The following GLRA2 variants were observed in gnomAD, a reference collection of about 807,000 sequenced individuals.
GLRA2 encodes the protein glycine receptor subunit alpha-2.
A neutral mutation model predicts 31.6 loss-of-function variants in GLRA2; 11 were observed. The ratio of observed to expected loss-of-function variants is 0.35; its 90% CI spans 0.22 to 0.58. The LOEUF (loss-of-function observed/expected upper bound fraction) is 0.58, where lower values mean the gene tolerates loss of function less well. Ranked by LOEUF, GLRA2 falls within the 20% of genes least tolerant of loss-of-function variation. GLRA2 has a pLI of 0.84. For missense variants in GLRA2, 212 were observed against 351.8 expected (o/e 0.60, Z 3.18); for synonymous variants, 132 against 134.0 (o/e 0.99, Z 0.10).
chrX:14,473,823 G>A, the GLRA2 span, among the ~76,000 whole-genome samples: 1 of 111,852 alleles, frequency 8.9e-6, no homozygotes, highest in African/African-American at 3.3e-5. Context: ...GATTTTAAAA[G>A]GAAAAATAAA....
At chrX:14,698,075 AAAATAGGGTGAGGCAAGGTGAAGC>A (rs1361620912) in intron 8 of GLRA2, among the ~76,000 whole-genome samples, 1 of 111,924 alleles carries the variant, frequency 8.9e-6, no homozygotes, top group Non-Finnish European at 1.9e-5. Flanking sequence ...ATGCAAAAAG[AAAATAGGGTGAGGCAAGGTGAAGC>A]AAATAGGGTG....
the GLRA2 span, among the ~76,000 whole-genome samples, chrX:14,520,360 A>C: frequency 8.9e-6 from 1 of 112,407 alleles, no homozygotes; most frequent in Non-Finnish European, 1.9e-5. Flanking sequence ...CAAAGGAGAA[A>C]TCTTTCTAAT....
intron 8 of GLRA2, among the ~76,000 whole-genome samples, chrX:14,700,059 G>A (rs1227487633): frequency 9.0e-6 from 1 of 111,030 alleles, no homozygotes; most frequent in Non-Finnish European, 1.9e-5. Flanking sequence ...GAAATAATCT[G>A]TACAATAATC....
Position 14,681,891 on chromosome X carries a change from C to CAAAAAA in GLRA2, c.931-8804_931-8799dup, listed in dbSNP as rs1157722406. ...TGGGCAACAGTGCGAGACACCATCTCAAAAAAAAAAAAAAAAAAAATATAT... is the reference window on the plus strand; with the variant it reads ...TGGGCAACAGTGCGAGACACCATCTCAAAAAAAAAAAAAAAAAAAAAAAAAATATAT... On this transcript the variant is annotated intron_variant, in intron 7 of 8. Transcript: ENST00000218075. 1.3e-3 allele frequency among the ~76,000 whole-genome samples: 34 copies of CAAAAAA among 26,641 alleles called. 1 individual carries two copies. The highest frequency in any genetic ancestry group is 2.4e-3 in the Non-Finnish European group (29 of 12,184). The allele number at this position is 26,641 out of a possible 115,157, so 23.1% of individuals were successfully genotyped here. A position where few individuals can be genotyped will look rare whatever the true frequency, so the allele number is the denominator to read the frequency against.
intron 2 of GLRA2, among the ~76,000 whole-genome samples, chrX:14,538,992 T>C (rs964064269): frequency 1.8e-5 from 2 of 111,580 alleles, no homozygotes; most frequent in Admixed American, 9.5e-5. Flanking sequence ...TTAATTTTCA[T>C]TATTGAATGA....
intron 4 of GLRA2, among the ~76,000 whole-genome samples, chrX:14,594,087 C>A (rs776052816): frequency 8.9e-6 from 1 of 112,100 alleles, no homozygotes; most frequent in South Asian, 3.7e-4. Context: ...CCACCAGAAA[C>A]AGTGGTCAGT....
chrX:14,591,397 A>G (rs147972681), intron 4 of GLRA2, among the ~76,000 whole-genome samples: 1,261 of 111,472 alleles, frequency 0.011, 28 homozygotes, highest in African/African-American at 0.039. Flanking sequence ...CCAAAGGCCC[A>G]AGAGCCCCTG....
chrX:14,730,667 A>C lies in GLRA2; in HGVS notation c.*182A>C. ...GACAAGTTATATGGGTGATGAAGAA[A>C]ACTGCACAAAATTAAGGGGTTGCAG... is the stretch of plus-strand genomic sequence containing the variant. On this transcript the variant is annotated 3_prime_UTR_variant, in exon 9 of 9. Coordinates refer to ENST00000218075, the MANE Select transcript of GLRA2 (RefSeq NM_002063.4). The C allele has an allele frequency of 2.3e-6, 1 of 425,687 alleles. No individual in the cohort carries two copies. Among genetic ancestry groups the C allele is most frequent in the East Asian group, 3.8e-5 (1 of 26,070 alleles). The allele number at this position is 425,687 out of a possible 1,213,427, so 35.1% of individuals were successfully genotyped here.
rs748940331 is a variant in GLRA2, at chrX:14,690,643, CT to C, written c.931-64del. 31 of 784,842 alleles carry C rather than the reference CT, an allele frequency of 3.9e-5. No homozygotes were observed. In the South Asian group the frequency reaches 7.2e-4, roughly 18 times the overall value. 64.7% of individuals were successfully genotyped at this position (784,842 alleles called of 1,213,427 possible). On this transcript the variant is annotated intron_variant, in intron 7 of 8. Coordinates refer to ENST00000218075, the MANE Select transcript of GLRA2 (RefSeq NM_002063.4). ...ATTAAGAATCTGGTTTCCTGGCAGG[CT>C]TTCATAGTCTTTCTTTCTCTCTCTC... is the stretch of plus-strand genomic sequence containing the variant.
chrX:14,458,573 G>A, the GLRA2 span, among the ~76,000 whole-genome samples: 2 of 112,127 alleles, frequency 1.8e-5, no homozygotes, highest in Non-Finnish European at 3.8e-5. Context: ...TCTAACTGGT[G>A]CGAGATGGTA....
intron 7 of GLRA2, among the ~76,000 whole-genome samples, chrX:14,661,333 T>C (rs960412873): frequency 1.8e-5 from 2 of 111,829 alleles, no homozygotes; most frequent in Non-Finnish European, 3.8e-5. Context: ...ATCATTTAAG[T>C]TGTAGGAAGA....
chrX:14,557,399 G>A (rs1424463487), intron 2 of GLRA2, among the ~76,000 whole-genome samples: 1 of 111,224 alleles, frequency 9.0e-6, no homozygotes, highest in African/African-American at 3.3e-5. Flanking sequence ...ACAGGCATAA[G>A]CCACTGTGCC....
intron 7 of GLRA2, among the ~76,000 whole-genome samples, chrX:14,653,470 G>A (rs1480882600): frequency 8.9e-6 from 1 of 112,019 alleles, no homozygotes; most frequent in African/African-American, 3.2e-5. Context: ...TTCACTGCAG[G>A]TGTGGTGGAA....
chrX:14,587,796 A>G (rs1380425262), intron 4 of GLRA2, among the ~76,000 whole-genome samples: 2 of 111,823 alleles, frequency 1.8e-5, no homozygotes, highest in Non-Finnish European at 3.8e-5. Context: ...GGTTTAATTA[A>G]GTCCCATTTG....
intron 2 of GLRA2, among the ~76,000 whole-genome samples, chrX:14,549,884 GGAAGA>G (rs1182298666): frequency 9.0e-6 from 1 of 111,488 alleles, no homozygotes; most frequent in Non-Finnish European, 1.9e-5. Flanking sequence ...AAGAATAAGA[GGAAGA>G]GAAGGACTCA....
intron 4 of GLRA2, among the ~76,000 whole-genome samples, chrX:14,588,226 G>A (rs189160952): frequency 1.8e-5 from 2 of 111,799 alleles, no homozygotes; most frequent in Non-Finnish European, 1.9e-5. Context: ...TTTATAGTTT[G>A]AGGCCATACA....
chrX:14,523,264 C>T, the GLRA2 span, among the ~76,000 whole-genome samples: 1 of 111,798 alleles, frequency 8.9e-6, no homozygotes, highest in East Asian at 2.8e-4. Flanking sequence ...TCTGCAGCTT[C>T]CTCACCTCTT....
the GLRA2 span, among the ~76,000 whole-genome samples, chrX:14,509,708 A>G: frequency 8.9e-6 from 1 of 112,536 alleles, no homozygotes; most frequent in African/African-American, 3.2e-5. Flanking sequence ...AGGAATAATG[A>G]ATTAAAATTT....
upstream of GLRA2, among the ~76,000 whole-genome samples, chrX:14,529,038 CCTT>C (rs1341221916): frequency 9.0e-6 from 1 of 111,267 alleles, no homozygotes; most frequent in African/African-American, 3.3e-5. Flanking sequence ...TCTTCATGAA[CCTT>C]CTTCTGCACG....
Sources: gnomAD v4.1 joint callset for allele counts (sites outside exome capture counted in the v4.1 genomes callset) on GRCh38, gnomAD v4.1.1 for gene constraint, MANE v1.5 for transcripts, NCBI Gene and HGNC (gene_info 2026-07-23, HGNC 2026-07-21) for gene names.